The following WIPF2 variants were observed in gnomAD, a reference collection of about 807,000 sequenced individuals.
The protein encoded by WIPF2 is WAS/WASL interacting protein family member 2.
A neutral mutation model predicts 38.8 loss-of-function variants in WIPF2; 23 were observed. That is an observed-to-expected ratio of 0.59 (90% CI 0.43 to 0.84). WIPF2 has a LOEUF of 0.84. Ranked by LOEUF, WIPF2 falls within the 40% of genes least tolerant of loss-of-function variation. WIPF2 has a pLI of 0.00. For missense variants in WIPF2, 574 were observed against 580.5 expected, an observed-to-expected ratio of 0.99 and a Z score of 0.11; for synonymous variants, 210 against 223.2, an observed-to-expected ratio of 0.94 and a Z score of 0.53.
intron 1 of WIPF2, among the ~76,000 whole-genome samples, chr17:40,246,317 C>T (rs1470507912): frequency 6.6e-6 from 1 of 151,662 alleles, no homozygotes; most frequent in Non-Finnish European, 1.5e-5. Context: ...AACTCCAGAC[C>T]TTAAGTGATC....
intron 5 of WIPF2, 110 bp downstream of exon 5, chr17:40,265,256 G>GAATA: frequency 7.5e-7 from 1 of 1,339,654 alleles, no homozygotes; most frequent in South Asian, 1.5e-5. Context: ...TGGGTTTATT[G>GAATA]AGTACCTTTT....
chr17:40,277,090 TG>T lies in WIPF2; in HGVS notation c.1189del (p.Glu397SerfsTer9). 1 of 1,610,326 alleles carries T rather than the reference TG, an allele frequency of 6.2e-7. No individual in the cohort carries two copies. Among genetic ancestry groups the T allele is most frequent in the Non-Finnish European group, 8.5e-7 (1 of 1,178,438 alleles). The part of the protein sequence containing the change: ...TTVRSFLDDF[E>X]SKYSFHPVED... ...GTTCTATTCTTTTCGCAGATGATTT[TG>T]AGTCAAAGTATTCCTTCCATCCAGT... On this transcript the variant is annotated frameshift_variant, in exon 7 of 8. Transcript: ENST00000323571. LOFTEE classifies it high-confidence loss of function.
intron 1 of WIPF2, among the ~76,000 whole-genome samples, chr17:40,222,989 C>G (rs2145266386): frequency 6.7e-6 from 1 of 150,012 alleles, no homozygotes; most frequent in South Asian, 2.1e-4. Flanking sequence ...AGTTTTTTAA[C>G]TCTTATTAAT....
In WIPF2 at chr17:40,264,901, G is replaced by C; in HGVS notation, c.725G>C (p.Gly242Ala). The C allele has an allele frequency of 6.2e-7, 1 of 1,614,106 alleles. No homozygotes were observed. The highest frequency in any genetic ancestry group is 8.5e-7 in the Non-Finnish European group (1 of 1,180,020). The change falls in exon 5 of 8, where the codon GGA becomes GCA. Residue 242 changes from glycine (G) to alanine (A), a missense_variant. Transcript: ENST00000323571. ...PPPSPVNIRT[G>A]PSGQSLAPPP... ...CCTTCCCCTGTGAATATCAGAACAG[G>C]ACCAAGTGGCCAGTCTCTGGCTCCT...
At chr17:40,268,961 G>A (rs1033897981) in intron 5 of WIPF2, among the ~76,000 whole-genome samples, 3 of 152,090 alleles carry the variant, frequency 2.0e-5, no homozygotes, top group Admixed American at 1.3e-4. Context: ...GAGGCAGGAG[G>A]ATCGCTTGAG....
At chr17:40,229,152 C>T (rs1377966520) in intron 1 of WIPF2, among the ~76,000 whole-genome samples, 1 of 151,394 alleles carries the variant, frequency 6.6e-6, no homozygotes, top group East Asian at 1.9e-4. Context: ...GTTCTTGTTG[C>T]CCAGGCTGGA....
chr17:40,252,769 G>T (rs545699726), intron 1 of WIPF2, among the ~76,000 whole-genome samples: 40 of 145,086 alleles, frequency 2.8e-4, no homozygotes, highest in Admixed American at 3.5e-4. Flanking sequence ...GGTTTGTTTG[G>T]TTTTTTTTTT....
Position 40,260,687 on chromosome 17 carries a change from C to G in WIPF2, c.196+20C>G. 6.2e-7 allele frequency: 1 copy of G among 1,613,458 alleles called. No homozygotes were observed. The highest frequency in any genetic ancestry group is 8.5e-7 in the Non-Finnish European group (1 of 1,179,724). ...TCGAGAGTGAGTCCGAGCTTCATTTCCTAGTGAACTGGCAGGATCCCAGGA... is the reference window on the plus strand; with the variant it reads ...TCGAGAGTGAGTCCGAGCTTCATTTGCTAGTGAACTGGCAGGATCCCAGGA... On this transcript the variant is annotated intron_variant, in intron 3 of 7. Transcript: ENST00000323571.
rs200818980 is a variant in WIPF2 at position 40,256,538 on chromosome 17, A to G, written c.63+16A>G. On this transcript the variant is annotated intron_variant, in intron 2 of 7. Coordinates refer to ENST00000323571, the MANE Select transcript of WIPF2 (RefSeq NM_133264.5). ...ATTTCATCAGGTAGGTAGTCCTTCCATTAGGCTATCTCAAAACCTTTGAGT... is the reference window on the plus strand; with the variant it reads ...ATTTCATCAGGTAGGTAGTCCTTCCGTTAGGCTATCTCAAAACCTTTGAGT... The G allele has an allele frequency of 1.3e-6, 2 of 1,591,172 alleles. No homozygotes were observed. The highest frequency in any genetic ancestry group is 1.7e-6 in the Non-Finnish European group (2 of 1,171,538).
At chr17:40,226,468 G>A (rs1229645759) in intron 1 of WIPF2, among the ~76,000 whole-genome samples, 2 of 151,878 alleles carry the variant, frequency 1.3e-5, no homozygotes, top group Admixed American at 1.3e-4. Context: ...GCCCACCTTG[G>A]CCTCCCAAAG....
At chr17:40,264,426 A>T in intron 4 of WIPF2, 64 bp from the exon 5 acceptor site, 1 of 1,485,254 alleles carries the variant, frequency 6.7e-7, no homozygotes, top group Non-Finnish European at 9.4e-7. Flanking sequence ...GAGCCGAGTG[A>T]AGTAGGGATA....
At chr17:40,255,333 T>C (rs1354768384) in intron 1 of WIPF2, among the ~76,000 whole-genome samples, 2 of 151,986 alleles carry the variant, frequency 1.3e-5, no homozygotes, top group Non-Finnish European at 2.9e-5. Flanking sequence ...TAAATTTTTT[T>C]TTTTTTGAGA....
chr17:40,228,892 G>A (rs1025640615), intron 1 of WIPF2, among the ~76,000 whole-genome samples: 1 of 151,678 alleles, frequency 6.6e-6, no homozygotes, highest in Non-Finnish European at 1.5e-5. Context: ...ACAGGCATGA[G>A]CCACCACACC....
chr17:40,223,057 A>AG (rs1387964062), intron 1 of WIPF2, among the ~76,000 whole-genome samples: 1 of 151,838 alleles, frequency 6.6e-6, no homozygotes, highest in Non-Finnish European at 1.5e-5. Flanking sequence ...ATCAAGATGA[A>AG]GATAGGGAAG....
chr17:40,260,655 C>T lies in WIPF2; in HGVS notation c.184C>T (p.Pro62Ser), dbSNP rs758765491. ...GACCAACATTAATGATCGGAGTGCTCCCATCCTCGAGAGTGAGTCCGAGCT... is the reference window on the plus strand; with the variant it reads ...GACCAACATTAATGATCGGAGTGCTTCCATCCTCGAGAGTGAGTCCGAGCT... ...KVTNINDRSA[P>S]ILEKPKGSSG... Residue 62 changes from proline to serine, a missense_variant, in exon 3 of 8, where the codon CCC becomes TCC. By Grantham distance (74) the Pro-to-Ser change is moderately conservative. Transcript: ENST00000323571. The T allele has an allele frequency of 4.3e-6, 7 of 1,613,716 alleles. No individual in the cohort carries two copies. In the South Asian group the frequency reaches 5.5e-5, roughly 13 times the overall value.
intron 5 of WIPF2, among the ~76,000 whole-genome samples, chr17:40,272,006 T>A (rs1305058536): frequency 6.6e-6 from 1 of 151,610 alleles, no homozygotes; most frequent in Non-Finnish European, 1.5e-5. Context: ...GATTCAGACA[T>A]AGGTATGAAC....
At chr17:40,247,883 A>G (rs2031424188) in intron 1 of WIPF2, among the ~76,000 whole-genome samples, 1 of 152,196 alleles carries the variant, frequency 6.6e-6, no homozygotes, top group South Asian at 2.1e-4. Context: ...ATTGTTAAAT[A>G]CTTATCAGAA....
intron 1 of WIPF2, among the ~76,000 whole-genome samples, chr17:40,246,736 G>T (rs1309171902): frequency 6.6e-6 from 1 of 152,036 alleles, no homozygotes; most frequent in Non-Finnish European, 1.5e-5. Context: ...GTTCAATTCA[G>T]CAAGTGACTG....
intron 2 of WIPF2, among the ~76,000 whole-genome samples, chr17:40,260,179 C>CTTTTT (rs34757828): frequency 8.5e-4 from 86 of 101,042 alleles, no homozygotes; most frequent in Non-Finnish European, 1.4e-3. Flanking sequence ...ATAAAGGGAA[C>CTTTTT]TTTTTTTTTT....
Sources: gnomAD v4.1 joint callset for allele counts (sites outside exome capture counted in the v4.1 genomes callset) on GRCh38, gnomAD v4.1.1 for gene constraint, MANE v1.5 for transcripts, NCBI Gene and HGNC (gene_info 2026-07-23, HGNC 2026-07-21) for gene names.